CFAP54: variants seen among roughly 807,000 people sequenced by gnomAD.
The protein encoded by CFAP54 is cilia and flagella associated protein 54, also known as cilia- and flagella-associated protein 54.
CFAP54 carries 290 observed loss-of-function variants against 370.4 expected under a neutral mutation model. The ratio of observed to expected loss-of-function variants is 0.78; its 90% CI spans 0.71 to 0.86. The LOEUF (loss-of-function observed/expected upper bound fraction) is 0.86, where lower values mean the gene tolerates loss of function less well. Among genes scored for constraint, CFAP54 ranks in the 40% least tolerant of loss-of-function variants. The pLI is 0.00. For missense variants in CFAP54, 3,399 were observed against 3,528.7 expected (o/e 0.96, Z 0.93); for synonymous variants, 1,206 against 1,236.5 (o/e 0.98, Z 0.52).
At chr12:96,586,165 G>T (rs1956074695) in intron 22 of CFAP54, among the ~76,000 whole-genome samples, 1 of 152,130 alleles carries the variant, frequency 6.6e-6, no homozygotes, top group Admixed American at 6.5e-5. Context: ...TTGGAGTACT[G>T]GTTAAGCAGA....
chr12:96,523,674 T>C (rs1247745969), intron 8 of CFAP54, among the ~76,000 whole-genome samples: 2 of 146,918 alleles, frequency 1.4e-5, no homozygotes, highest in Admixed American at 7.0e-5. Flanking sequence ...ATAGTCTTTG[T>C]AAAAGGACAG....
intron 62 of CFAP54, among the ~76,000 whole-genome samples, chr12:96,787,172 A>G (rs1958637904): frequency 6.6e-6 from 1 of 152,184 alleles, no homozygotes; most frequent in African/African-American, 2.4e-5. Flanking sequence ...GCATCTCTCA[A>G]GCAACCATTT....
At chr12:96,542,276 A>C (rs139919746) in intron 14 of CFAP54, among the ~76,000 whole-genome samples, 21 of 152,314 alleles carry the variant, frequency 1.4e-4, no homozygotes, top group East Asian at 7.7e-4. Context: ...CTTGTTAAAA[A>C]TGCAAGGCCC....
chr12:96,807,419 C>T (rs1197278619), intron 63 of CFAP54, among the ~76,000 whole-genome samples: 1 of 152,198 alleles, frequency 6.6e-6, no homozygotes, highest in Non-Finnish European at 1.5e-5. Context: ...GTCAGGCAAT[C>T]AACTCCACCT....
chr12:96,507,556 C>T (rs1311389644), intron 4 of CFAP54, among the ~76,000 whole-genome samples: 1 of 147,446 alleles, frequency 6.8e-6, no homozygotes, highest in Non-Finnish European at 1.5e-5. Flanking sequence ...CACACACACA[C>T]ACATACACAC....
At chr12:96,761,917 G>T (rs528818732) in intron 58 of CFAP54, among the ~76,000 whole-genome samples, 8 of 152,152 alleles carry the variant, frequency 5.3e-5, no homozygotes, top group African/African-American at 1.9e-4. Flanking sequence ...ATTGTAAAGT[G>T]CATGTTCCAA....
intron 65 of CFAP54, among the ~76,000 whole-genome samples, chr12:96,820,263 G>T (rs1959017184): frequency 1.3e-5 from 2 of 152,072 alleles, no homozygotes; most frequent in African/African-American, 4.8e-5. Context: ...ATTTAATTGG[G>T]TGTCAGTAAC....
rs1337500682 is a variant in CFAP54, at chr12:96,647,769, T to C, written c.4548-106T>C. 3.1e-6 allele frequency: 3 copies of C among 977,632 alleles called. No homozygotes were observed. In the African/African-American group the frequency reaches 5.2e-5, roughly 17 times the overall value. The allele number at this position is 977,632 out of a possible 1,614,324, so 60.6% of individuals were successfully genotyped here. A position where few individuals can be genotyped will look rare whatever the true frequency, so the allele number is the denominator to read the frequency against. On this transcript the variant is annotated intron_variant, in intron 33 of 67. Coordinates refer to ENST00000524981, the MANE Select transcript of CFAP54 (RefSeq NM_001306084.2). Reference sequence around the variant, plus strand: ...GACAAAACCCTTCATGATTTAAAATTTGGGAGTACTCACAAATGTTTTAAA... The same window carrying C: ...GACAAAACCCTTCATGATTTAAAATCTGGGAGTACTCACAAATGTTTTAAA...
chr12:96,554,670 C>T lies in CFAP54; in HGVS notation c.2284-6C>T. ...TTCTTTTTATTTCAACTCTGTTGGA[C>T]CAAAGCGTACCCACCATATAGATGG... is the stretch of plus-strand genomic sequence containing the variant. On this transcript the variant is annotated splice_region_variant and splice_polypyrimidine_tract_variant and intron_variant, in intron 16 of 67. Coordinates refer to ENST00000524981, the MANE Select transcript of CFAP54 (RefSeq NM_001306084.2). 1 of 1,523,960 alleles carries T rather than the reference C, an allele frequency of 6.6e-7. No homozygotes were observed. Among genetic ancestry groups the T allele is most frequent in the Middle Eastern group, 1.7e-4 (1 of 5,940 alleles). 94.4% of individuals were successfully genotyped at this position (1,523,960 alleles called of 1,614,324 possible).
intron 38 of CFAP54, among the ~76,000 whole-genome samples, chr12:96,659,223 TCC>T (rs1326588492): frequency 1.6e-4 from 25 of 152,322 alleles, no homozygotes; most frequent in African/African-American, 4.8e-4. Flanking sequence ...TCTCAACACC[TCC>T]TGGGTTCAAG....
intron 43 of CFAP54, among the ~76,000 whole-genome samples, chr12:96,689,537 T>C (rs1415299387): frequency 6.6e-6 from 1 of 152,012 alleles, no homozygotes; most frequent in African/African-American, 2.4e-5. Context: ...GGAAACTGAG[T>C]CTCCTGTCAT....
intron 8 of CFAP54, 59 bp downstream of exon 8, chr12:96,522,248 C>A: frequency 8.7e-7 from 1 of 1,147,662 alleles, no homozygotes; most frequent in Non-Finnish European, 1.2e-6. Flanking sequence ...TTGTATTATG[C>A]TCCTATGTCT....
At chr12:96,790,657 ATTAT>A (rs55763373) in intron 62 of CFAP54, among the ~76,000 whole-genome samples, 46,387 of 151,796 alleles carry the variant, frequency 0.31, 7,422 homozygotes, top group South Asian at 0.54. Context: ...TTTTGAATTA[ATTAT>A]TTACTTGATT....
intron 23 of CFAP54, among the ~76,000 whole-genome samples, chr12:96,591,908 A>AT (rs199973253): frequency 0.044 from 4,957 of 111,904 alleles, 234 homozygotes; most frequent in African/African-American, 0.12. Context: ...AAAAAAAGAA[A>AT]TATTTTTTTT....
chr12:96,750,457 A>G lies in CFAP54; in HGVS notation c.7685-3286A>G, dbSNP rs540339880. Among the ~76,000 whole-genome samples, 281 of 152,346 alleles carry G rather than the reference A, an allele frequency of 1.8e-3. 1 individual carries two copies. Among genetic ancestry groups the G allele is most frequent in the African/African-American group, 6.5e-3 (269 of 41,574 alleles). ...TGATCATTGTTATATGTTGATGATC[A>G]TCATCACATATGAATTTTATAACTT... On this transcript the variant is annotated intron_variant, in intron 55 of 67. Transcript: ENST00000524981.
intron 9 of CFAP54, among the ~76,000 whole-genome samples, chr12:96,532,437 C>T (rs1955448793): frequency 6.6e-6 from 1 of 152,150 alleles, no homozygotes; most frequent in Non-Finnish European, 1.5e-5. Flanking sequence ...TTGGGCTCTT[C>T]TCTTCCTAAG....
At chr12:96,581,236 T>C (rs1398073134) in intron 22 of CFAP54, 131 bp downstream of exon 22, 2 of 568,616 alleles carry the variant, frequency 3.5e-6, no homozygotes, top group Non-Finnish European at 5.3e-6. Flanking sequence ...TATCCATTAC[T>C]ACAGTTTTGT....
chr12:96,671,755 C>T (rs559294987), intron 39 of CFAP54, among the ~76,000 whole-genome samples: 3 of 152,232 alleles, frequency 2.0e-5, no homozygotes, highest in Admixed American at 2.0e-4. Context: ...AACCCCGTCT[C>T]TACTAAAAAT....
At chr12:96,700,783 C>T (rs1189392559) in intron 46 of CFAP54, among the ~76,000 whole-genome samples, 1 of 151,980 alleles carries the variant, frequency 6.6e-6, no homozygotes, top group African/African-American at 2.4e-5. Context: ...ATGCTTGGAC[C>T]CTCCTAGACC....
Sources: gnomAD v4.1 joint callset for allele counts (sites outside exome capture counted in the v4.1 genomes callset) on GRCh38, gnomAD v4.1.1 for gene constraint, MANE v1.5 for transcripts, NCBI Gene and HGNC (gene_info 2026-07-23, HGNC 2026-07-21) for gene names.